KCNN2: variants seen among roughly 807,000 people sequenced by gnomAD.
KCNN2 encodes small conductance calcium-activated potassium channel protein 2.
Under a neutral mutation model 55.5 loss-of-function variants are expected in KCNN2, and 24 were observed. The ratio of observed to expected loss-of-function variants is 0.43; its 90% CI spans 0.31 to 0.61. The LOEUF is 0.61. Ranked by LOEUF, KCNN2 falls within the 20% of genes least tolerant of loss-of-function variation. KCNN2 has a pLI of 0.08. For synonymous variants in KCNN2, 431 were observed against 336.1 expected (o/e 1.28, Z -3.09); for missense variants, 754 against 853.6 (o/e 0.88, Z 1.45).
chr5:114,364,501 A>T (rs946342254), intron 2 of KCNN2, among the ~76,000 whole-genome samples: 9 of 152,088 alleles, frequency 5.9e-5, no homozygotes, highest in African/African-American at 1.9e-4. Flanking sequence ...CCCTTCCTAA[A>T]TCCCCCACCA....
At chr5:114,351,312 G>A (rs773098139) in intron 2 of KCNN2, among the ~76,000 whole-genome samples, 2 of 151,674 alleles carry the variant, frequency 1.3e-5, no homozygotes, top group Non-Finnish European at 3.0e-5. Flanking sequence ...GTAGAAACCT[G>A]CTGATCCTGT....
rs949450685 is a variant in KCNN2, at chr5:114,429,112, A to G, written c.1637+24256A>G. Reference sequence around the variant, plus strand: ...GAGCATGATTGATGGATCATATGGAAAGAATATGTTTAGTTTTGTAAGGAA... The same window carrying G: ...GAGCATGATTGATGGATCATATGGAGAGAATATGTTTAGTTTTGTAAGGAA... On this transcript the variant is annotated intron_variant, in intron 3 of 7. Coordinates refer to ENST00000673685, the MANE Select transcript of KCNN2 (RefSeq NM_021614.4). 3.3e-5 allele frequency among the ~76,000 whole-genome samples: 5 copies of G among 152,204 alleles called. 1 individual carries two copies. The South Asian group carries it at 8.3e-4, about 25-fold the overall frequency.
intron 2 of KCNN2, among the ~76,000 whole-genome samples, chr5:114,341,933 GCT>G (rs1237910971): frequency 2.0e-5 from 3 of 146,900 alleles, no homozygotes; most frequent in South Asian, 4.3e-4. Context: ...ACGGAATCTC[GCT>G]CTGTCACCCA....
Position 114,362,943 on chromosome 5 carries a change from C to A in KCNN2, c.804C>A (p.Ala268=), listed in dbSNP as rs760881469. ...CCCCGTCTGCAGCCGCTGCCGCCGCCGCCGCTGTTTCGTCCTCAGCCCCCG... is the reference window on the plus strand; with the variant it reads ...CCCCGTCTGCAGCCGCTGCCGCCGCAGCCGCTGTTTCGTCCTCAGCCCCCG... The part of the protein sequence containing the change: ...ASSPSAAAAA[A]AAVSSSAPEI... The change falls in exon 1 of 8, where the codon GCC becomes GCA. Residue 268 remains alanine (A), a synonymous_variant. Coordinates refer to ENST00000673685, the MANE Select transcript of KCNN2 (RefSeq NM_021614.4). 6.3e-7 allele frequency: 1 copy of A among 1,587,792 alleles called. No individual in the cohort carries two copies. The highest frequency in any genetic ancestry group is 1.1e-5 in the South Asian group (1 of 89,672).
At chr5:114,386,730 G>T (rs975836583) in intron 2 of KCNN2, among the ~76,000 whole-genome samples, 19 of 152,154 alleles carry the variant, frequency 1.2e-4, no homozygotes, top group African/African-American at 4.6e-4. Context: ...AATATAAGGA[G>T]GGGCAAGGGA....
intron 6 of KCNN2, among the ~76,000 whole-genome samples, chr5:114,492,785 A>G (rs756217229): frequency 5.3e-5 from 8 of 152,142 alleles, no homozygotes; most frequent in Non-Finnish European, 1.2e-4. Flanking sequence ...TGGCCTCCCT[A>G]CAAATTTAAT....
Position 114,222,249 on chromosome 5 carries a change from A to C in KCNN2, c.-185+684A>C, listed in dbSNP as rs533439618. On this transcript the variant is annotated intron_variant, in intron 2 of 10. Coordinates refer to the KCNN2 transcript ENST00000512097. ...TCAGAGAAAATCTAAGAACGTAAGC[A>C]GGGTCCTCTCAGCAGGAAGCTGTAA... Among the ~76,000 whole-genome samples the C allele has an allele frequency of 2.6e-5, 4 of 152,350 alleles. No homozygotes were observed. In the South Asian group the frequency reaches 8.3e-4, roughly 32 times the overall value.
At chr5:114,354,095 G>A (rs1757257794) in intron 2 of KCNN2, among the ~76,000 whole-genome samples, 2 of 151,372 alleles carry the variant, frequency 1.3e-5, no homozygotes, top group South Asian at 4.2e-4. Context: ...AGGTGCTGGG[G>A]GTTTTCTTAT....
intron 1 of KCNN2, among the ~76,000 whole-genome samples, chr5:114,138,166 G>A (rs907777512): frequency 2.0e-5 from 3 of 152,108 alleles, no homozygotes; most frequent in Non-Finnish European, 4.4e-5. Context: ...CACATTGACA[G>A]TGAATCCAGT....
chr5:114,395,623 T>A (rs1469662081), intron 2 of KCNN2, among the ~76,000 whole-genome samples: 2 of 152,226 alleles, frequency 1.3e-5, no homozygotes, highest in Admixed American at 6.5e-5. Flanking sequence ...TACGGTTAGA[T>A]TTTCATACTT....
At chr5:114,289,204 A>C (rs1282255997) in intron 2 of KCNN2, among the ~76,000 whole-genome samples, 1 of 152,028 alleles carries the variant, frequency 6.6e-6, no homozygotes, top group East Asian at 1.9e-4. Context: ...ACTGGTCTGT[A>C]TGTTTATCCT....
intron 1 of KCNN2, among the ~76,000 whole-genome samples, chr5:114,092,353 C>T (rs1486915478): frequency 6.6e-6 from 1 of 152,218 alleles, no homozygotes; most frequent in Non-Finnish European, 1.5e-5. Flanking sequence ...TGGCCTTGGG[C>T]AGCTCAGCCC....
At chr5:114,322,186 GA>G (rs1475024671) in intron 2 of KCNN2, among the ~76,000 whole-genome samples, 2 of 152,108 alleles carry the variant, frequency 1.3e-5, no homozygotes, top group Non-Finnish European at 2.9e-5. Context: ...TTTATTTGTA[GA>G]ATCTACTGTA....
chr5:114,311,698 G>C (rs866186115), intron 2 of KCNN2, among the ~76,000 whole-genome samples: 5 of 152,070 alleles, frequency 3.3e-5, no homozygotes, highest in Non-Finnish European at 7.4e-5. Flanking sequence ...TAGATGCTCA[G>C]TTTATTACTG....
chr5:114,177,224 G>A (rs921708027), intron 1 of KCNN2, among the ~76,000 whole-genome samples: 1 of 148,494 alleles, frequency 6.7e-6, no homozygotes, highest in South Asian at 2.1e-4. Context: ...TGCAAGCTCC[G>A]CCTCCCGGGA....
At chr5:114,108,902 C>T (rs1387397007) in intron 1 of KCNN2, among the ~76,000 whole-genome samples, 1 of 152,020 alleles carries the variant, frequency 6.6e-6, no homozygotes, top group African/African-American at 2.4e-5. Context: ...ACCATTGGGT[C>T]ATAAGATAGA....
At chr5:114,395,604 GA>G (rs1209015741) in intron 2 of KCNN2, among the ~76,000 whole-genome samples, 2 of 152,178 alleles carry the variant, frequency 1.3e-5, no homozygotes, top group African/African-American at 4.8e-5. Context: ...ACTGTAATGA[GA>G]ATAGTTCTAC....
chr5:114,123,751 G>C (rs1038035463), intron 1 of KCNN2, among the ~76,000 whole-genome samples: 14 of 152,056 alleles, frequency 9.2e-5, no homozygotes, highest in Non-Finnish European at 1.9e-4. Flanking sequence ...TTTTGACTTT[G>C]ATATTCTAGA....
At chr5:114,360,477 C>T (rs1158359309), upstream of KCNN2, among the ~76,000 whole-genome samples, 1 of 152,164 alleles carries the variant, frequency 6.6e-6, no homozygotes, top group Non-Finnish European at 1.5e-5. Flanking sequence ...TCATGAAAAG[C>T]AGGCTTTAAA....
Sources: allele counts gnomAD v4.1 joint callset (sites outside exome capture counted in the v4.1 genomes callset), GRCh38; gene constraint gnomAD v4.1.1; transcripts MANE v1.5; gene names NCBI Gene and HGNC (gene_info 2026-07-23, HGNC 2026-07-21).